Variants in MON2 observed in about 807,000 individuals in gnomAD.
MON2 encodes MON2 regulator of endosome-to-Golgi trafficking.
MON2 carries 84 observed loss-of-function variants against 208.6 expected under a neutral mutation model. The observed-to-expected ratio is 0.40, with a 90% CI of 0.34 to 0.48. The LOEUF (loss-of-function observed/expected upper bound fraction) is 0.48. MON2 is among the 20% of genes least tolerant of loss of function. The probability of loss-of-function intolerance (pLI) is 0.59; values close to 1 mark genes in which losing one functional copy is unlikely to be tolerated. For synonymous variants in MON2, 660 were observed against 694.0 expected, an observed-to-expected ratio of 0.95 and a Z score of 0.77; for missense variants, 1,611 against 2,015.4, an observed-to-expected ratio of 0.80 and a Z score of 3.84.
At chr12:62,500,413 A>G (rs781131771) in intron 5 of MON2, among the ~76,000 whole-genome samples, 3 of 152,160 alleles carry the variant, frequency 2.0e-5, no homozygotes, top group Non-Finnish European at 4.4e-5. Context: ...AGAGGAGTTA[A>G]CCATATGGTA....
intron 25 of MON2, among the ~76,000 whole-genome samples, chr12:62,558,489 A>C (rs912121872): frequency 2.0e-5 from 3 of 152,142 alleles, no homozygotes; most frequent in Non-Finnish European, 4.4e-5. Flanking sequence ...TTTTCTCCCT[A>C]AATGGCACGG....
At position 62,535,690 on chromosome 12, in the gene MON2, A is replaced by G; in HGVS notation, c.1881A>G (p.Ala627=). Residue 627 remains alanine (A), a synonymous_variant, in exon 14 of 35, where the codon GCA becomes GCG. Coordinates refer to ENST00000393630, the MANE Select transcript of MON2 (RefSeq NM_015026.3). The part of the protein sequence containing the change: ...YALTVLNTTT[A]ATLSNKSYSV... ...TTACTGTATTGAATACCACCACTGC[A>G]GCTACACTTTCCAACAAATGTAAGA... The G allele has an allele frequency of 6.2e-7, 1 of 1,610,678 alleles. No homozygotes were observed. The highest frequency in any genetic ancestry group is 8.5e-7 in the Non-Finnish European group (1 of 1,178,674).
chr12:62,571,365 C>A, intron 29 of MON2, 27 bp from the exon 30 acceptor site: 1 of 1,436,426 alleles, frequency 7.0e-7, no homozygotes, highest in Non-Finnish European at 9.4e-7. Context: ...TTAATTAATG[C>A]TTATATTAAA....
chr12:62,576,635 T>G (rs149821077), intron 30 of MON2, among the ~76,000 whole-genome samples: 15 of 152,052 alleles, frequency 9.9e-5, no homozygotes, highest in Non-Finnish European at 1.9e-4. Context: ...TTTAAGATCT[T>G]ACATGGCTTA....
At chr12:62,534,726 AT>A (rs2072883383) in intron 12 of MON2, 118 bp from the exon 13 acceptor site, 1 of 669,174 alleles carries the variant, frequency 1.5e-6, no homozygotes. Context: ...AGATTTAATA[AT>A]TAAGTTGTTA....
chr12:62,551,614 C>T (rs1272076983), intron 23 of MON2, among the ~76,000 whole-genome samples: 2 of 152,118 alleles, frequency 1.3e-5, no homozygotes, highest in African/African-American at 4.8e-5. Context: ...TACCAACAGA[C>T]TTGTTCAATG....
rs1187379969 is a variant in MON2 at position 62,524,552 on chromosome 12, A to G, written c.1022A>G (p.Lys341Arg). 6.2e-7 allele frequency: 1 copy of G among 1,613,074 alleles called. No homozygotes were observed. ...GAGATATTTCTGTCACTTCTGGTGA[A>G]ATTTCTGGATGCAGATAAACCACAG... ...ECEIFLSLLV[K>R]FLDADKPQWL... Residue 341 changes from lysine to arginine, a missense_variant, in exon 9 of 35, where the codon AAA becomes AGA. Lys to Arg is a conservative substitution (Grantham distance 26, BLOSUM62 2). Transcript: ENST00000393630.
intron 9 of MON2, among the ~76,000 whole-genome samples, 171 bp from the exon 10 acceptor site, chr12:62,524,913 G>A (rs933178375): frequency 2.0e-5 from 3 of 152,108 alleles, no homozygotes; most frequent in Non-Finnish European, 4.4e-5. Context: ...TTTTAGAACT[G>A]TGACCTCTAT....
chr12:62,544,263 A>G (rs566481627), intron 20 of MON2, among the ~76,000 whole-genome samples: 1 of 152,168 alleles, frequency 6.6e-6, no homozygotes, highest in South Asian at 2.1e-4. Flanking sequence ...TGGGCAACAT[A>G]GGGAGACACC....
chr12:62,499,823 T>C (rs985362909), intron 5 of MON2, among the ~76,000 whole-genome samples: 1 of 151,810 alleles, frequency 6.6e-6, no homozygotes, highest in Non-Finnish European at 1.5e-5. Context: ...CAGTGAGCTG[T>C]GATTGCACCA....
intron 1 of MON2, among the ~76,000 whole-genome samples, chr12:62,474,161 C>G (rs1018929780): frequency 6.6e-6 from 1 of 151,272 alleles, no homozygotes; most frequent in Non-Finnish European, 1.5e-5. Flanking sequence ...TCTTGTCCCC[C>G]AGGCTTAAGT....
chr12:62,487,721 T>C (rs888454489), intron 2 of MON2, among the ~76,000 whole-genome samples: 1 of 152,026 alleles, frequency 6.6e-6, no homozygotes, highest in Non-Finnish European at 1.5e-5. Flanking sequence ...GTGCTTGTGA[T>C]ATTTTACAAA....
intron 23 of MON2, among the ~76,000 whole-genome samples, chr12:62,550,606 C>T (rs753756186): frequency 3.3e-5 from 5 of 152,220 alleles, no homozygotes; most frequent in Admixed American, 6.5e-5. Context: ...CATCGGTGAT[C>T]TTAGCTAGAT....
At chr12:62,481,568 C>G (rs1257257923) in intron 1 of MON2, among the ~76,000 whole-genome samples, 1 of 150,800 alleles carries the variant, frequency 6.6e-6, no homozygotes, top group Non-Finnish European at 1.5e-5. Context: ...AGCAGTCATT[C>G]TGGCTTAACT....
At chr12:62,556,704 TAAGA>T (rs879906812) in intron 25 of MON2, among the ~76,000 whole-genome samples, 8 of 151,490 alleles carry the variant, frequency 5.3e-5, no homozygotes, top group Non-Finnish European at 1.2e-4. Flanking sequence ...ATGAGGAGAA[TAAGA>T]AAGAGTTTGA....
chr12:62,513,886 C>G (rs1377758895), intron 8 of MON2, among the ~76,000 whole-genome samples: 6 of 145,816 alleles, frequency 4.1e-5, no homozygotes, highest in African/African-American at 1.5e-4. Flanking sequence ...GGAGGCAGAG[C>G]TTGCAATGAG....
chr12:62,575,622 C>A (rs1035746709), intron 30 of MON2, among the ~76,000 whole-genome samples: 1 of 152,198 alleles, frequency 6.6e-6, no homozygotes, highest in African/African-American at 2.4e-5. Context: ...ATAAACATAT[C>A]TCTGTCTGTA....
chr12:62,556,067 G>A lies in MON2; in HGVS notation c.3284G>A (p.Gly1095Asp), dbSNP rs2073955786. 5 of 1,613,888 alleles carry A rather than the reference G, an allele frequency of 3.1e-6. No individual in the cohort carries two copies. Among genetic ancestry groups the A allele is most frequent in the Non-Finnish European group, 4.2e-6 (5 of 1,179,954 alleles). Reference sequence around the variant, plus strand: ...GACAAAGAAAAGATTGAGTCTGGAGGTGGCAATATTCTCATTCATCATTCA... The same window carrying A: ...GACAAAGAAAAGATTGAGTCTGGAGATGGCAATATTCTCATTCATCATTCA... ...TADKEKIESG[G>D]GNILIHHSRD... Residue 1095 changes from glycine to aspartate, a missense_variant, in exon 25 of 35, where the codon GGT (glycine) becomes GAT (aspartate). Coordinates refer to ENST00000393630, the MANE Select transcript of MON2 (RefSeq NM_015026.3).
rs2069578553 is a variant in MON2, at chr12:62,483,606, C to T, written c.112-564C>T. ...TGGTGGGTGCCTGTAATCCCAGCTA[C>T]TTGGGAGGCTGAGGCAGGAGAATGG... On this transcript the variant is annotated intron_variant, in intron 1 of 34. Transcript: ENST00000393630. 2.6e-5 allele frequency among the ~76,000 whole-genome samples: 4 copies of T among 152,226 alleles called. No individual in the cohort carries two copies. The South Asian group carries it at 8.3e-4, about 32-fold the overall frequency.
Sources: allele counts gnomAD v4.1 joint callset (sites outside exome capture counted in the v4.1 genomes callset), GRCh38; gene constraint gnomAD v4.1.1; transcripts MANE v1.5; gene names NCBI Gene and HGNC (gene_info 2026-07-23, HGNC 2026-07-21).